TAFA2: variants seen among roughly 807,000 people sequenced by gnomAD.
TAFA2 encodes chemokine-like protein TAFA-2.
TAFA2 carries 7 observed loss-of-function variants against 18.8 expected under a neutral mutation model. The observed-to-expected ratio is 0.37, with a 90% CI of 0.21 to 0.70. TAFA2 has a LOEUF of 0.70. Among genes scored for constraint, TAFA2 ranks in the 30% least tolerant of loss-of-function variants. TAFA2 has a pLI of 0.53. For synonymous variants in TAFA2, 60 were observed against 54.2 expected (o/e 1.11, Z -0.47); for missense variants, 122 against 158.1 (o/e 0.77, Z 1.23).
At chr12:61,900,300 A>G (rs1371502553) in intron 1 of TAFA2, among the ~76,000 whole-genome samples, 2 of 152,198 alleles carry the variant, frequency 1.3e-5, no homozygotes, top group East Asian at 1.9e-4. Flanking sequence ...CAAAGTGATT[A>G]TCCTAATTTA....
intron 1 of TAFA2, among the ~76,000 whole-genome samples, chr12:62,169,041 A>C (rs2062459531): frequency 6.6e-6 from 1 of 152,052 alleles, no homozygotes. Context: ...TAGCTATTTG[A>C]TAATGTTTGG....
chr12:62,063,294 ATAG>A (rs1882400505), intron 1 of TAFA2, among the ~76,000 whole-genome samples: 1 of 152,146 alleles, frequency 6.6e-6, no homozygotes, highest in African/African-American at 2.4e-5. Context: ...TTAACATGAA[ATAG>A]TAGTCTAATT....
intron 1 of TAFA2, among the ~76,000 whole-genome samples, chr12:62,246,240 C>T (rs191539217): frequency 1.0e-3 from 157 of 152,262 alleles, no homozygotes; most frequent in African/African-American, 3.7e-3. Flanking sequence ...CCCGCCTGGG[C>T]CTCCCAAAGT....
chr12:61,899,408 C>T (rs1358816287), intron 1 of TAFA2, among the ~76,000 whole-genome samples: 4 of 152,188 alleles, frequency 2.6e-5, no homozygotes, highest in Non-Finnish European at 5.9e-5. Flanking sequence ...GGTTAATTGA[C>T]TTATAGTTCC....
intron 1 of TAFA2, among the ~76,000 whole-genome samples, chr12:62,028,076 T>C (rs944354752): frequency 9.9e-5 from 15 of 152,174 alleles, no homozygotes; most frequent in Non-Finnish European, 1.6e-4. Context: ...TCAATTTTCA[T>C]GGGGCCACAT....
intron 1 of TAFA2, among the ~76,000 whole-genome samples, chr12:62,074,687 T>G (rs1362988613): frequency 6.9e-6 from 1 of 145,320 alleles, no homozygotes; most frequent in Non-Finnish European, 1.5e-5. Context: ...CAAATCCTTC[T>G]AACTACATGA....
At chr12:62,040,757 A>T (rs1881734857) in intron 1 of TAFA2, among the ~76,000 whole-genome samples, 1 of 152,178 alleles carries the variant, frequency 6.6e-6, no homozygotes, top group African/African-American at 2.4e-5. Context: ...AACAAAACGA[A>T]GTACCCACGA....
At chr12:62,004,781 G>A (rs1880491512) in intron 1 of TAFA2, among the ~76,000 whole-genome samples, 1 of 152,018 alleles carries the variant, frequency 6.6e-6, no homozygotes, top group Non-Finnish European at 1.5e-5. Flanking sequence ...AACAAAATAA[G>A]TGTCTATCGA....
chr12:62,003,421 T>C (rs537347365), intron 1 of TAFA2, among the ~76,000 whole-genome samples: 85 of 152,262 alleles, frequency 5.6e-4, no homozygotes, highest in Non-Finnish European at 8.4e-4. Flanking sequence ...CTCAGAGCCT[T>C]TGCACTGACT....
intron 1 of TAFA2, among the ~76,000 whole-genome samples, chr12:62,243,619 A>T (rs1019601673): frequency 6.6e-6 from 1 of 152,196 alleles, no homozygotes; most frequent in East Asian, 1.9e-4. Context: ...ATATTCTCTA[A>T]TCACTACAGC....
At chr12:61,747,900 G>C (rs1868808432) in intron 4 of TAFA2, among the ~76,000 whole-genome samples, 1 of 151,816 alleles carries the variant, frequency 6.6e-6, no homozygotes, top group Non-Finnish European at 1.5e-5. Context: ...GAAATTTTTA[G>C]CCCAAAAATG....
intron 1 of TAFA2, among the ~76,000 whole-genome samples, chr12:61,903,288 C>T (rs902902813): frequency 2.0e-5 from 3 of 152,160 alleles, no homozygotes; most frequent in Non-Finnish European, 4.4e-5. Context: ...TCTCCCCCTC[C>T]CTCACTTCCT....
intron 1 of TAFA2, among the ~76,000 whole-genome samples, chr12:62,045,031 A>T (rs1335049769): frequency 6.6e-6 from 1 of 152,170 alleles, no homozygotes; most frequent in Admixed American, 6.5e-5. Context: ...GGAAGAACAG[A>T]CTGAATCATC....
intron 2 of TAFA2, among the ~76,000 whole-genome samples, chr12:61,814,320 G>C (rs1427857570): frequency 6.6e-6 from 1 of 151,282 alleles, no homozygotes; most frequent in Admixed American, 6.6e-5. Context: ...TAGGGAATGG[G>C]GCAAGACGAA....
intron 1 of TAFA2, among the ~76,000 whole-genome samples, chr12:62,164,163 C>T (rs2062424027): frequency 1.3e-5 from 2 of 152,096 alleles, no homozygotes; most frequent in Non-Finnish European, 2.9e-5. Flanking sequence ...TTCTGCATAG[C>T]GCTCTTCCTT....
chr12:62,117,447 A>C (rs1870009862), intron 1 of TAFA2, among the ~76,000 whole-genome samples: 1 of 152,198 alleles, frequency 6.6e-6, no homozygotes, highest in South Asian at 2.1e-4. Context: ...TTAGTAAATT[A>C]GATATTTAGA....
chr12:62,233,204 C>T lies in TAFA2; in HGVS notation c.-130+25559G>A, dbSNP rs558626933. ...CAAGTGATTATCCTGCCTCAGCCTC[C>T]TGAGTAGGTGGGACTATAGGTGTGT... On this transcript the variant is annotated intron_variant, in intron 1 of 5. Coordinates refer to the TAFA2 transcript ENST00000551619. Among the ~76,000 whole-genome samples, 5 of 150,120 alleles carry T rather than the reference C, an allele frequency of 3.3e-5. No individual in the cohort carries two copies. In the East Asian group the frequency reaches 1.0e-3, roughly 30 times the overall value.
intron 1 of TAFA2, among the ~76,000 whole-genome samples, chr12:62,213,334 G>T (rs980906242): frequency 6.6e-6 from 1 of 152,142 alleles, no homozygotes; most frequent in African/African-American, 2.4e-5. Flanking sequence ...AGTTCAATTT[G>T]TTAAATAATT....
At chr12:61,718,267 G>C (rs1869746925) in intron 4 of TAFA2, among the ~76,000 whole-genome samples, 1 of 152,200 alleles carries the variant, frequency 6.6e-6, no homozygotes, top group African/African-American at 2.4e-5. Context: ...CATGGAAGTA[G>C]ATGACTGTTT....
Sources: allele counts gnomAD v4.1 joint callset (sites outside exome capture counted in the v4.1 genomes callset), GRCh38; gene constraint gnomAD v4.1.1; transcripts MANE v1.5; gene names NCBI Gene and HGNC (gene_info 2026-07-23, HGNC 2026-07-21).